DOCK6: variants seen among roughly 807,000 people sequenced by gnomAD.
DOCK6 encodes dedicator of cytokinesis protein 6.
A neutral mutation model predicts 230.3 loss-of-function variants in DOCK6; 167 were observed. That is an observed-to-expected ratio of 0.73 (90% CI 0.64 to 0.82). DOCK6 has a LOEUF of 0.82. DOCK6 is among the 40% of genes least tolerant of loss of function. The pLI is 0.00. For missense variants in DOCK6, 2,598 were observed against 2,825.8 expected (o/e 0.92, Z 1.83); for synonymous variants, 1,148 against 1,185.0 (o/e 0.97, Z 0.64).
intron 5 of DOCK6, 94 bp downstream of exon 5, chr19:11,252,025 C>T (rs2080123959): frequency 1.3e-6 from 2 of 1,534,966 alleles, no homozygotes; most frequent in Middle Eastern, 2.3e-4. Context: ...GAGCTCAAGG[C>T]TGTTTGGGTC....
At chr19:11,228,236 C>T (rs1754279952) in intron 23 of DOCK6, among the ~76,000 whole-genome samples, 1 of 152,052 alleles carries the variant, frequency 6.6e-6, no homozygotes, top group African/African-American at 2.4e-5. Context: ...GTCTCAAACT[C>T]CTGACCTCAA....
Position 11,229,051 on chromosome 19 carries a change from G to T in DOCK6, c.2719-16C>A, listed in dbSNP as rs376392245. ...CGTGAAGCAGCTGGGGACAGAGGCA[G>T]GGGTCACAGAGTGCGAGGTGCCACC... On this transcript the variant is annotated splice_polypyrimidine_tract_variant and intron_variant, in intron 22 of 47. Transcript: ENST00000294618. 113 of 1,612,052 alleles carry T rather than the reference G, an allele frequency of 7.0e-5. No individual in the cohort carries two copies. Among genetic ancestry groups the T allele is most frequent in the Non-Finnish European group, 9.0e-5 (106 of 1,179,108 alleles).
rs145464906 is a variant in DOCK6, at chr19:11,240,198, C to T, written c.1643+1847G>A. Reference sequence around the variant, plus strand: ...AGCTGAGGTGCTGGGGGAGGTGGCCCAGGCACAGAAGGTGCTACGGGACAG... The same window carrying T: ...AGCTGAGGTGCTGGGGGAGGTGGCCTAGGCACAGAAGGTGCTACGGGACAG... On this transcript the variant is annotated intron_variant, in intron 14 of 47. Coordinates refer to ENST00000294618, the MANE Select transcript of DOCK6 (RefSeq NM_020812.4). The T allele has an allele frequency of 5.3e-4, 827 of 1,557,872 alleles. 2 individuals are homozygous for T. Among genetic ancestry groups the T allele is most frequent in the Middle Eastern group, 4.8e-3 (28 of 5,840 alleles).
chr19:11,206,998 C>G (rs1395571701), intron 39 of DOCK6, among the ~76,000 whole-genome samples: 1 of 151,992 alleles, frequency 6.6e-6, no homozygotes, highest in Admixed American at 6.6e-5. Context: ...CCATGCCCAG[C>G]TAATTTTTGT....
In DOCK6 at chr19:11,236,468, AGCTCCTGCTCCACGTTGCCCTCGCT is replaced by A. The variant is rs771816547; in HGVS notation, c.2245_2269del (p.Ser749CysfsTer42). ...GCGCAGTGCTGCAAGACTGGCCCGC[AGCTCCTGCTCCACGTTGCCCTCGCT>A]CAGCACAGTGTCCTTGAGCCGGAAT... On this transcript the variant is annotated frameshift_variant, in exon 20 of 48. Transcript: ENST00000294618. LOFTEE classifies it high-confidence loss of function. This position sits in a 1 kb window ranked among gnomAD's most constrained non-coding sequence, Gnocchi z 5.2. 10 of 1,596,390 alleles carry A rather than the reference AGCTCCTGCTCCACGTTGCCCTCGCT, an allele frequency of 6.3e-6. No homozygotes were observed. Among genetic ancestry groups the A allele is most frequent in the Non-Finnish European group, 8.5e-6 (10 of 1,172,252 alleles).
chr19:11,215,809 C>A lies in DOCK6; in HGVS notation c.4013G>T (p.Arg1338Leu). ...GTATGTCACCCTCTTACCACGACTTCGCCGAACCATTTCTTGTCGAGCTCC... is the reference window on the plus strand; with the variant it reads ...GTATGTCACCCTCTTACCACGACTTAGCCGAACCATTTCTTGTCGAGCTCC... ...TIGARQEMVR[R>L]SRERSPFGNP... The change falls in exon 31 of 48, where the codon CGA becomes CTA. Residue 1338 changes from arginine (R) to leucine (L), a missense_variant. By Grantham distance (102) the Arg-to-Leu change is moderately radical. Coordinates refer to ENST00000294618, the MANE Select transcript of DOCK6 (RefSeq NM_020812.4). 6.2e-7 allele frequency: 1 copy of A among 1,613,958 alleles called. No homozygotes were observed. Among genetic ancestry groups the A allele is most frequent in the Non-Finnish European group, 8.5e-7 (1 of 1,179,878 alleles).
At chr19:11,253,818 A>G in intron 1 of DOCK6, 92 bp from the exon 2 acceptor site, 1 of 958,566 alleles carries the variant, frequency 1.0e-6, no homozygotes, top group Non-Finnish European at 1.5e-6. Flanking sequence ...AGATTGTGGA[A>G]CGAAATAAAT....
In DOCK6 at chr19:11,236,092, C is replaced by T; in HGVS notation, c.2392+254G>A. On this transcript the variant is annotated intron_variant, in intron 20 of 47. Coordinates refer to ENST00000294618, the MANE Select transcript of DOCK6 (RefSeq NM_020812.4). The surrounding 1 kb of genome is among the most constrained non-coding windows in gnomAD (Gnocchi z 5.2). ...AAGGGGTTTCTCCATGTTGGTCAGG[C>T]TGGTCTCAAACTCTCGACCTCAGGT... The T allele has an allele frequency of 1.9e-6, 1 of 539,602 alleles. No individual in the cohort carries two copies. Among genetic ancestry groups the T allele is most frequent in the South Asian group, 2.6e-5 (1 of 38,250 alleles). 33.4% of individuals were successfully genotyped at this position (539,602 alleles called of 1,614,324 possible).
chr19:11,205,551 G>C (rs1434101408), intron 39 of DOCK6, among the ~76,000 whole-genome samples: 1 of 152,048 alleles, frequency 6.6e-6, no homozygotes, highest in Non-Finnish European at 1.5e-5. Context: ...CACCATATTG[G>C]CCAGGCTGGT....
chr19:11,246,593 A>G (rs1190471352), intron 7 of DOCK6, among the ~76,000 whole-genome samples: 4 of 151,668 alleles, frequency 2.6e-5, no homozygotes, highest in South Asian at 4.2e-4. Flanking sequence ...CCCTCCCTAC[A>G]CCCTCAGTAA....
intron 35 of DOCK6, among the ~76,000 whole-genome samples, 165 bp downstream of exon 35, chr19:11,213,011 C>T (rs1489906008): frequency 6.6e-6 from 1 of 151,738 alleles, no homozygotes; most frequent in Non-Finnish European, 1.5e-5. Flanking sequence ...GCTGGGATTA[C>T]AGGAATGAGC....
At chr19:11,228,885 G>A in intron 23 of DOCK6, 55 bp downstream of exon 23, 1 of 1,572,340 alleles carries the variant, frequency 6.4e-7, no homozygotes, top group Non-Finnish European at 8.7e-7. Flanking sequence ...CTTTAAAAAA[G>A]GAAGGGGCTC....
chr19:11,251,796 G>A (rs1421454486), intron 5 of DOCK6: 1 of 289,492 alleles, frequency 3.5e-6, no homozygotes, highest in Non-Finnish European at 6.5e-6. Flanking sequence ...TTGGTATACA[G>A]TAGGTGCTCA....
rs2080137339 is a variant in DOCK6 at position 11,252,724 on chromosome 19, A to G, written c.308+59T>C. 3.8e-6 allele frequency: 6 copies of G among 1,596,574 alleles called. No individual in the cohort carries two copies. In the South Asian group the frequency reaches 6.7e-5, roughly 18 times the overall value. ...GCCAGGAGCTGAAGTCGGGCTGTTG[A>G]TGGGGTTGGCAGAGACAGAGTGGAA... On this transcript the variant is annotated intron_variant, in intron 3 of 47. Coordinates refer to ENST00000294618, the MANE Select transcript of DOCK6 (RefSeq NM_020812.4).
intron 23 of DOCK6, among the ~76,000 whole-genome samples, chr19:11,228,558 CTCTT>C (rs2079708005): frequency 1.4e-5 from 2 of 143,804 alleles, no homozygotes; most frequent in Non-Finnish European, 3.1e-5. Context: ...GGGGGCTTCT[CTCTT>C]TTTTTTTTTT....
At position 11,235,868 on chromosome 19, in the gene DOCK6, G is replaced by A. The variant is rs1599255052; in HGVS notation, c.2393-109C>T. The A allele has an allele frequency of 3.6e-6, 5 of 1,379,822 alleles. No homozygotes were observed. In the East Asian group the frequency reaches 7.9e-5, roughly 22 times the overall value. 85.5% of individuals were successfully genotyped at this position (1,379,822 alleles called of 1,614,324 possible). ...TTTGAGGGATCATGTGCTCATTAAG[G>A]GGTCACAAATTTTTTTTTTTTTTTT... On this transcript the variant is annotated intron_variant, in intron 20 of 47. Coordinates refer to ENST00000294618, the MANE Select transcript of DOCK6 (RefSeq NM_020812.4).
chr19:11,251,930 C>G (rs753391584), intron 5 of DOCK6, 189 bp downstream of exon 5: 7 of 783,948 alleles, frequency 8.9e-6, no homozygotes, highest in Non-Finnish European at 1.4e-5. Flanking sequence ...ACATATGAAG[C>G]CTTCAGTACA....
At chr19:11,229,113 G>T in intron 22 of DOCK6, 78 bp from the exon 23 acceptor site, 2 of 1,438,708 alleles carry the variant, frequency 1.4e-6, no homozygotes, top group South Asian at 1.2e-5. Context: ...GCCAGGGGAA[G>T]ATGCAGCTGG....
intron 21 of DOCK6, among the ~76,000 whole-genome samples, chr19:11,233,710 G>A (rs780699253): frequency 1.3e-4 from 20 of 152,234 alleles, no homozygotes; most frequent in Non-Finnish European, 2.1e-4. Flanking sequence ...ATGGCAGTGC[G>A]CGCCTGTGGT....
Sources: gnomAD v4.1 joint callset for allele counts (sites outside exome capture counted in the v4.1 genomes callset) on GRCh38, gnomAD v4.1.1 for gene constraint, Gnocchi (gnomAD v3.1) non-coding constraint, MANE v1.5 for transcripts, NCBI Gene and HGNC (gene_info 2026-07-23, HGNC 2026-07-21) for gene names.